Variants in DNAH17 observed in about 807,000 individuals in gnomAD.
DNAH17 encodes the protein axonemal beta dynein heavy chain 17.
DNAH17 carries 376 observed loss-of-function variants against 485.6 expected under a neutral mutation model. The ratio of observed to expected loss-of-function variants is 0.77; its 90% confidence interval spans 0.71 to 0.84. DNAH17 has a LOEUF of 0.84. Ranked by LOEUF, DNAH17 falls within the 40% of genes least tolerant of loss-of-function variation. DNAH17 has a pLI of 0.00. For missense variants in DNAH17, 6,370 were observed against 5,839.3 expected, an observed-to-expected ratio of 1.09 and a Z score of -2.96; for synonymous variants, 3,031 against 2,405.9, an observed-to-expected ratio of 1.26 and a Z score of -7.60.
chr17:78,498,645 T>C (rs1276516902), intron 37 of DNAH17, among the ~76,000 whole-genome samples: 2 of 152,094 alleles, frequency 1.3e-5, no homozygotes, highest in African/African-American at 4.8e-5. Context: ...TCTTCCTCCC[T>C]CTCCCCCTCC....
intron 37 of DNAH17, among the ~76,000 whole-genome samples, chr17:78,497,262 TCC>T (rs2090109145): frequency 6.6e-6 from 1 of 152,102 alleles, no homozygotes; most frequent in African/African-American, 2.4e-5. Context: ...GCTGTGTCTC[TCC>T]AAGTCACCAC....
At chr17:78,441,289 C>A in intron 71 of DNAH17, 90 bp from the exon 72 acceptor site, 1 of 1,466,274 alleles carries the variant, frequency 6.8e-7, no homozygotes, top group Non-Finnish European at 9.2e-7. Flanking sequence ...GGCAGGGGGG[C>A]CATTTTTTGG....
Position 78,437,854 on chromosome 17 carries a change from C to T in DNAH17, c.11820G>A (p.Val3940=), listed in dbSNP as rs2086902347. The change falls in exon 74 of 81, where the codon GTG becomes GTA. Residue 3940 remains valine (V), a synonymous_variant. Transcript: ENST00000389840. The part of the protein sequence containing the change: ...HWVILQNIHL[V]ARWLGTLDKK... ...TGTCCAGTGTTCCCAGCCACCGGGC[C>T]ACCAGGTGGATATTCTGCAGCCAAG... 6.2e-7 allele frequency: 1 copy of T among 1,609,746 alleles called. No individual in the cohort carries two copies. Among genetic ancestry groups the T allele is most frequent in the Non-Finnish European group, 8.5e-7 (1 of 1,178,064 alleles).
At chr17:78,548,220 T>TTTTTC (rs2091819352) in intron 16 of DNAH17, among the ~76,000 whole-genome samples, 3 of 144,962 alleles carry the variant, frequency 2.1e-5, no homozygotes, top group Non-Finnish European at 4.5e-5. Flanking sequence ...TTTTTTTTTT[T>TTTTTC]TGGAGACAGA....
intron 54 of DNAH17, among the ~76,000 whole-genome samples, chr17:78,473,668 C>A (rs556002528): frequency 2.6e-4 from 39 of 151,924 alleles, no homozygotes; most frequent in African/African-American, 9.4e-4. Flanking sequence ...AAAATAGTAC[C>A]GCTGAGGCTG....
chr17:78,492,186 C>CA, intron 42 of DNAH17, among the ~76,000 whole-genome samples: 1 of 152,278 alleles, frequency 6.6e-6, no homozygotes, highest in East Asian at 1.9e-4. Context: ...CTCCTTTCTG[C>CA]AGCCCACTCT....
Position 78,560,758 on chromosome 17 carries a change from G to GT in DNAH17, c.2012dup (p.His671GlnfsTer55). 2 of 1,551,450 alleles carry GT rather than the reference G, an allele frequency of 1.3e-6. No homozygotes were observed. The highest frequency in any genetic ancestry group is 1.7e-6 in the Non-Finnish European group (2 of 1,146,726). On this transcript the variant is annotated frameshift_variant, in exon 13 of 81. Transcript: ENST00000389840. LOFTEE classifies it high-confidence loss of function. ...CACCCACCGCTTTGCTGAAGTTGAC[G>GT]TGGATGAGGTTGCTAGCGGCGTCCC...
intron 37 of DNAH17, among the ~76,000 whole-genome samples, chr17:78,498,410 C>T (rs183519390): frequency 3.9e-5 from 6 of 152,310 alleles, no homozygotes; most frequent in Admixed American, 6.5e-5. Flanking sequence ...CCCCAGCATG[C>T]GTCAGGATCA....
chr17:78,487,642 G>A lies in DNAH17; in HGVS notation c.6819-1136C>T, dbSNP rs996932355. ...TGGGTTCAAGCAATTCTCCTGTTTC[G>A]GCCTTCCAAGTAGCTGGGATCACAG... On this transcript the variant is annotated intron_variant, in intron 44 of 80. Transcript: ENST00000389840. 6.6e-5 allele frequency among the ~76,000 whole-genome samples: 10 copies of A among 152,086 alleles called. No individual in the cohort carries two copies. The East Asian group carries it at 1.4e-3, about 21-fold the overall frequency.
chr17:78,571,454 G>A, intron 4 of DNAH17, 76 bp from the exon 5 acceptor site: 7 of 1,477,416 alleles, frequency 4.7e-6, no homozygotes, highest in Non-Finnish European at 6.6e-6. Context: ...CCTTGTGGCT[G>A]GCTGGAGCTG....
chr17:78,491,720 C>T, intron 42 of DNAH17, 150 bp from the exon 43 acceptor site: 1 of 1,284,980 alleles, frequency 7.8e-7, no homozygotes, highest in Admixed American at 2.7e-5. Flanking sequence ...GGTGCCCAGG[C>T]TCCCTGCCCT....
chr17:78,462,093 G>A (rs568793505), intron 57 of DNAH17, among the ~76,000 whole-genome samples: 4 of 152,204 alleles, frequency 2.6e-5, no homozygotes, highest in African/African-American at 7.2e-5. Flanking sequence ...GATCACTTGA[G>A]CCCAGGAAGT....
At position 78,479,086 on chromosome 17, in the gene DNAH17, A is replaced by G. The variant is rs2089235114; in HGVS notation, c.7931T>C (p.Leu2644Pro). 2 of 1,613,896 alleles carry G rather than the reference A, an allele frequency of 1.2e-6. No homozygotes were observed. Among genetic ancestry groups the G allele is most frequent in the Admixed American group, 1.7e-5 (1 of 60,004 alleles). ...ATAATGAAACTTAATGGCCGTGGGA[A>G]GAAATGTTGCCGTGATTTTCTGATG... is the stretch of plus-strand genomic sequence containing the variant. ...ALHQKITATF[L>P]PTAIKFHYVF... The change falls in exon 51 of 81, where the codon CTT (leucine) becomes CCT (proline). Residue 2644 changes from leucine to proline, a missense_variant. Physicochemically the swap from Leu to Pro is moderately conservative, Grantham distance 98. Coordinates refer to ENST00000389840, the MANE Select transcript of DNAH17 (RefSeq NM_173628.4).
chr17:78,565,818 C>T (rs1023285081), intron 11 of DNAH17, among the ~76,000 whole-genome samples: 5 of 152,054 alleles, frequency 3.3e-5, no homozygotes, highest in Non-Finnish European at 5.9e-5. Flanking sequence ...GGTGTGGTGG[C>T]GTATGCCTAT....
intron 20 of DNAH17, 119 bp downstream of exon 20, chr17:78,532,363 T>C: frequency 7.2e-7 from 1 of 1,381,278 alleles, no homozygotes; most frequent in Non-Finnish European, 9.6e-7. Context: ...GATGTTTGCC[T>C]TGCCCTACCT....
intron 42 of DNAH17, among the ~76,000 whole-genome samples, chr17:78,491,938 A>G (rs2089876075): frequency 6.6e-6 from 1 of 152,212 alleles, no homozygotes; most frequent in Admixed American, 6.5e-5. Flanking sequence ...TCTGCGGAGC[A>G]CGCTTCATGC....
At chr17:78,434,342 G>C in intron 74 of DNAH17, 122 bp from the exon 75 acceptor site, 1 of 877,312 alleles carries the variant, frequency 1.1e-6, no homozygotes. Flanking sequence ...GCGGTGGGGG[G>C]TACAAAGCTG....
Position 78,570,296 on chromosome 17 carries a change from G to A in DNAH17, c.995C>T (p.Ala332Val), listed in dbSNP as rs139546299. The A allele has an allele frequency of 2.9e-4, 461 of 1,600,836 alleles. 3 individuals carry two copies. The highest frequency in any genetic ancestry group is 7.9e-4 in the East Asian group (35 of 44,428). ...CTCCTGCAGGATGACGATGATCCTG[G>A]CAGGTGTGTTATAGTACTCAGAGGT... ...WATSEYYNTP[A>V]RIIVILQEFC... Residue 332 changes from alanine to valine, a missense_variant, in exon 7 of 81, where the codon GCC becomes GTC. Physicochemically the swap from Ala to Val is moderately conservative, Grantham distance 64. Coordinates refer to ENST00000389840, the MANE Select transcript of DNAH17 (RefSeq NM_173628.4).
In DNAH17 at chr17:78,543,902, G is replaced by A. The variant is rs145351930; in HGVS notation, c.2487C>T (p.Tyr829=). 1.6e-4 allele frequency: 256 copies of A among 1,614,020 alleles called. 1 individual carries two copies. The African/African-American group carries it at 1.7e-3, about 11-fold the overall frequency. Residue 829 remains tyrosine, a synonymous_variant, in exon 17 of 81, where the codon TAC becomes TAT. Coordinates refer to ENST00000389840, the MANE Select transcript of DNAH17 (RefSeq NM_173628.4). ...TCACTCCAGCATCCCTGACTGCTGCGTAGCGCTTGTTGAGGTTGGCAATTC... is the reference window on the plus strand; with the variant it reads ...TCACTCCAGCATCCCTGACTGCTGCATAGCGCTTGTTGAGGTTGGCAATTC... ...DGRIANLNKR[Y]AAVRDAGVKI...
Sources: allele counts gnomAD v4.1 joint callset (sites outside exome capture counted in the v4.1 genomes callset), GRCh38; gene constraint gnomAD v4.1.1; transcripts MANE v1.5; gene names NCBI Gene and HGNC (gene_info 2026-07-23, HGNC 2026-07-21).